Variants in RASSF3 observed in about 807,000 individuals in gnomAD.
RASSF3 encodes Ras association domain family member 3.
RASSF3 carries 19 observed loss-of-function variants against 19.9 expected under a neutral mutation model. That is an observed-to-expected ratio of 0.96 (90% CI 0.67 to 1.40). The LOEUF (loss-of-function observed/expected upper bound fraction) is 1.40. RASSF3 is among the 40% of genes most tolerant of loss of function. The pLI, the probability that RASSF3 is intolerant of heterozygous loss-of-function variation, is 0.00. For synonymous variants in RASSF3, 110 were observed against 104.2 expected (o/e 1.06, Z -0.34); for missense variants, 306 against 289.8 (o/e 1.06, Z -0.41).
At chr12:64,668,123 C>T (rs1389736474) in intron 1 of RASSF3, among the ~76,000 whole-genome samples, 8 of 152,120 alleles carry the variant, frequency 5.3e-5, no homozygotes, top group Non-Finnish European at 5.9e-5. Context: ...TTTCTACCCT[C>T]GGGATTCCTG....
At chr12:64,622,404 T>C (rs1870810317) in intron 1 of RASSF3, 2 of 511,210 alleles carry the variant, frequency 3.9e-6, no homozygotes, top group African/African-American at 4.0e-5. Flanking sequence ...GAAAAAAGGA[T>C]GGTAGGACAA....
rs530917559 is a variant in RASSF3 at position 64,627,689 on chromosome 12, A to C, written c.111+16946A>C. ...ATGAGTTTCTTTTGGTTTCAGAGGG[A>C]GTAATAATAAAACAACAGTAATAGC... On this transcript the variant is annotated intron_variant, in intron 1 of 4. Transcript: ENST00000542104. Among the ~76,000 whole-genome samples the C allele has an allele frequency of 2.0e-5, 3 of 152,320 alleles. No homozygotes were observed. In the South Asian group the frequency reaches 6.2e-4, roughly 32 times the overall value.
rs1275288785 is a variant in RASSF3 at position 64,640,931 on chromosome 12, A to G, written c.111+30188A>G. Among the ~76,000 whole-genome samples the G allele has an allele frequency of 5.3e-5, 8 of 152,194 alleles. No homozygotes were observed. The South Asian group carries it at 8.3e-4, about 16-fold the overall frequency. ...TGCTGGGAGGTCTCACTCCCAGCCT[A>G]GGATGAGCCTCACTCCCTCACTCAG... is the stretch of plus-strand genomic sequence containing the variant. On this transcript the variant is annotated intron_variant, in intron 1 of 4. Coordinates refer to ENST00000542104, the MANE Select transcript of RASSF3 (RefSeq NM_178169.4).
chr12:64,522,231 C>A (rs1457528245), intron 1 of RASSF3, among the ~76,000 whole-genome samples: 2 of 151,976 alleles, frequency 1.3e-5, no homozygotes, highest in African/African-American at 2.4e-5. Flanking sequence ...ATTCTCCGGG[C>A]TCAAAACTAT....
intron 2 of RASSF3, among the ~76,000 whole-genome samples, chr12:64,571,651 T>C (rs1215734704): frequency 6.6e-6 from 1 of 152,220 alleles, no homozygotes; most frequent in East Asian, 1.9e-4. Flanking sequence ...TCTTCTGATC[T>C]GGTGTTAACA....
At chr12:64,647,116 G>A (rs1262907769) in intron 1 of RASSF3, among the ~76,000 whole-genome samples, 1 of 152,132 alleles carries the variant, frequency 6.6e-6, no homozygotes, top group Non-Finnish European at 1.5e-5. Flanking sequence ...TCTCTATGTA[G>A]TTAGGATTTA....
At chr12:64,652,408 C>G (rs1274202282) in intron 1 of RASSF3, among the ~76,000 whole-genome samples, 1 of 150,100 alleles carries the variant, frequency 6.7e-6, no homozygotes, top group Non-Finnish European at 1.5e-5. Flanking sequence ...TTTTCTCCCC[C>G]TCCCCCTCCC....
At chr12:64,633,755 A>ACT (rs1156838384) in intron 1 of RASSF3, among the ~76,000 whole-genome samples, 1 of 152,178 alleles carries the variant, frequency 6.6e-6, no homozygotes, top group East Asian at 1.9e-4. Context: ...CAGAGATTAG[A>ACT]AGAGTTTGGA....
chr12:64,525,639 C>T (rs577736100), intron 1 of RASSF3, among the ~76,000 whole-genome samples: 97 of 152,124 alleles, frequency 6.4e-4, no homozygotes, highest in Admixed American at 2.1e-3. Context: ...GCCTTGGCTG[C>T]GGAATGGGAA....
At position 64,697,096 on chromosome 12, in the gene RASSF3, T is replaced by A. The variant is rs1221930984; in HGVS notation, c.*2184T>A. ...TTTTTTTTTTTTACTTGAAGTAGAT[T>A]GTCTGAATAGGCATCCTCATCTATA... On this transcript the variant is annotated 3_prime_UTR_variant, in exon 5 of 5. Transcript: ENST00000542104. 1 of 151,302 alleles carries A rather than the reference T, an allele frequency of 6.6e-6. No homozygotes were observed. The highest frequency in any genetic ancestry group is 1.5e-5 in the Non-Finnish European group (1 of 67,886). 9.4% of individuals were successfully genotyped at this position (151,302 alleles called of 1,614,324 possible).
intron 1 of RASSF3, among the ~76,000 whole-genome samples, chr12:64,645,743 A>T (rs1871708416): frequency 6.6e-6 from 1 of 151,990 alleles, no homozygotes; most frequent in Non-Finnish European, 1.5e-5. Context: ...TTGAATTTTT[A>T]AAAATTGGGG....
At chr12:64,668,403 A>C (rs1053621053) in intron 1 of RASSF3, among the ~76,000 whole-genome samples, 1 of 152,078 alleles carries the variant, frequency 6.6e-6, no homozygotes, top group East Asian at 1.9e-4. Context: ...CTTAGCCTCC[A>C]AGTAGCTATA....
upstream of RASSF3, among the ~76,000 whole-genome samples, chr12:64,530,124 A>G (rs1030793832): frequency 1.3e-5 from 2 of 152,034 alleles, no homozygotes; most frequent in Non-Finnish European, 2.9e-5. Context: ...TCTCACCTCT[A>G]AGTAACCTCT....
At chr12:64,516,413 A>T (rs1004263015) in intron 1 of RASSF3, among the ~76,000 whole-genome samples, 17 of 151,244 alleles carry the variant, frequency 1.1e-4, no homozygotes, top group Non-Finnish European at 1.9e-4. Flanking sequence ...AGGTCAGGAG[A>T]TCGAGACCAT....
At chr12:64,545,704 G>T (rs1409916827), downstream of RASSF3, among the ~76,000 whole-genome samples, 2 of 152,216 alleles carry the variant, frequency 1.3e-5, no homozygotes, top group African/African-American at 4.8e-5. Context: ...AAGCCAGGAA[G>T]ATCACTGGAG....
chr12:64,675,990 GC>G (rs1872884772), intron 1 of RASSF3, among the ~76,000 whole-genome samples: 1 of 151,720 alleles, frequency 6.6e-6, no homozygotes, highest in Non-Finnish European at 1.5e-5. Context: ...GAATCAGCAT[GC>G]CAGGGCCATA....
intron 1 of RASSF3, among the ~76,000 whole-genome samples, chr12:64,667,436 C>T (rs546643845): frequency 9.2e-5 from 14 of 152,326 alleles, no homozygotes; most frequent in Admixed American, 7.2e-4. Flanking sequence ...AAGCGATTCT[C>T]CCGCCTCAGC....
chr12:64,597,334 T>C (rs1418999622), intron 2 of RASSF3, among the ~76,000 whole-genome samples: 3 of 152,234 alleles, frequency 2.0e-5, no homozygotes, highest in Non-Finnish European at 4.4e-5. Flanking sequence ...AGTTTCACCA[T>C]GTTGGCCAGG....
At chr12:64,579,482 T>C (rs558245279) in intron 2 of RASSF3, among the ~76,000 whole-genome samples, 6 of 151,378 alleles carry the variant, frequency 4.0e-5, no homozygotes, top group African/African-American at 1.2e-4. Context: ...TCTCCAGTAG[T>C]TGGGGCTACA....
Sources: gnomAD v4.1 joint callset for allele counts (sites outside exome capture counted in the v4.1 genomes callset) on GRCh38, gnomAD v4.1.1 for gene constraint, MANE v1.5 for transcripts, NCBI Gene and HGNC (gene_info 2026-07-23, HGNC 2026-07-21) for gene names.